The following UNC5C variants were observed in gnomAD, a reference collection of about 807,000 sequenced individuals.
UNC5C encodes the protein unc-5 netrin receptor C.
A neutral mutation model predicts 99.8 loss-of-function variants in UNC5C; 47 were observed. The observed-to-expected ratio is 0.47, with a 90% CI of 0.37 to 0.60. UNC5C has a LOEUF of 0.60. UNC5C is among the 20% of genes least tolerant of loss of function. The probability of loss-of-function intolerance (pLI) is 0.00; values close to 1 mark genes in which losing one functional copy is unlikely to be tolerated. For missense variants in UNC5C, 1,062 were observed against 1,165.9 expected, an observed-to-expected ratio of 0.91 and a Z score of 1.30; for synonymous variants, 487 against 452.2, an observed-to-expected ratio of 1.08 and a Z score of -0.98.
At chr4:95,410,569 A>G (rs1745952602) in intron 1 of UNC5C, among the ~76,000 whole-genome samples, 1 of 152,210 alleles carries the variant, frequency 6.6e-6, no homozygotes, top group Admixed American at 6.5e-5. Context: ...AAGTGCAGGC[A>G]AAAGATGCTG....
intron 1 of UNC5C, among the ~76,000 whole-genome samples, chr4:95,431,633 C>G (rs1746638985): frequency 6.6e-6 from 1 of 151,976 alleles, no homozygotes; most frequent in South Asian, 2.1e-4. Flanking sequence ...AGGTGGTTTT[C>G]CTTTTCTAGT....
At chr4:95,302,294 T>G (rs2149404377) in intron 2 of UNC5C, among the ~76,000 whole-genome samples, 1 of 152,308 alleles carries the variant, frequency 6.6e-6, no homozygotes. Context: ...ATATATAACT[T>G]TAAAGTTTTC....
intron 1 of UNC5C, among the ~76,000 whole-genome samples, chr4:95,471,950 A>G (rs1033003788): frequency 6.6e-6 from 1 of 152,106 alleles, no homozygotes; most frequent in African/African-American, 2.4e-5. Flanking sequence ...AAGTCTGAAA[A>G]TAAGTCTAGC....
chr4:95,451,134 A>C (rs2149467457), intron 1 of UNC5C, among the ~76,000 whole-genome samples: 1 of 152,322 alleles, frequency 6.6e-6, no homozygotes, highest in East Asian at 1.9e-4. Flanking sequence ...AGCATTTAGA[A>C]GTCACTTTAA....
chr4:95,293,121 G>C (rs976285703), intron 3 of UNC5C, among the ~76,000 whole-genome samples: 27 of 151,974 alleles, frequency 1.8e-4, no homozygotes, highest in African/African-American at 6.5e-4. Context: ...TTTAGACTTG[G>C]GGTAAGAATG....
chr4:95,358,873 T>A (rs1744296401), intron 1 of UNC5C, among the ~76,000 whole-genome samples: 1 of 152,178 alleles, frequency 6.6e-6, no homozygotes, highest in Admixed American at 6.5e-5. Context: ...GGGCCACAGA[T>A]AAAGACTAGA....
At position 95,200,344 on chromosome 4, in the gene UNC5C, C is replaced by A. The variant is rs548376453; in HGVS notation, c.2136+2387G>T. On this transcript the variant is annotated intron_variant, in intron 12 of 15. Transcript: ENST00000453304. ...CTTTGCTGGCTGCCCTTCCTCCTTC[C>A]TTGCAAAGCCAGGGCTTTCCCTGGT... Among the ~76,000 whole-genome samples, 108 of 152,296 alleles carry A rather than the reference C, an allele frequency of 7.1e-4. No individual in the cohort carries two copies. In the South Asian group the frequency reaches 0.013, roughly 19 times the overall value.
chr4:95,272,813 C>G (rs986801283), intron 4 of UNC5C, among the ~76,000 whole-genome samples: 3 of 152,230 alleles, frequency 2.0e-5, no homozygotes, highest in African/African-American at 7.2e-5. Flanking sequence ...TCTTTCCTCT[C>G]TAAACTCTTT....
intron 12 of UNC5C, among the ~76,000 whole-genome samples, chr4:95,188,077 G>A (rs979586825): frequency 1.3e-5 from 2 of 152,124 alleles, no homozygotes; most frequent in South Asian, 4.1e-4. Flanking sequence ...ATAAGATCCT[G>A]TATTAATCTG....
intron 1 of UNC5C, among the ~76,000 whole-genome samples, chr4:95,413,465 C>A (rs966108567): frequency 6.6e-6 from 1 of 152,310 alleles, no homozygotes; most frequent in Non-Finnish European, 1.5e-5. Context: ...TCAAGCTCAT[C>A]ATCCAGGCAT....
chr4:95,426,990 C>G (rs553815536), intron 1 of UNC5C, among the ~76,000 whole-genome samples: 1 of 152,272 alleles, frequency 6.6e-6, no homozygotes, highest in South Asian at 2.1e-4. Flanking sequence ...TTAATGTAGA[C>G]AAAACCGCCA....
At chr4:95,209,937 G>A (rs933994504) in intron 10 of UNC5C, among the ~76,000 whole-genome samples, 5 of 152,176 alleles carry the variant, frequency 3.3e-5, no homozygotes, top group African/African-American at 1.2e-4. Context: ...TTTAAGGAAG[G>A]AGACTAGAGT....
At chr4:95,242,402 G>A in intron 7 of UNC5C, 27 bp downstream of exon 7, 5 of 1,613,482 alleles carry the variant, frequency 3.1e-6, no homozygotes, top group Non-Finnish European at 4.2e-6. Context: ...CCCCCTCAAT[G>A]TCTGCAGTTT....
At chr4:95,468,941 G>A (rs1002940574) in intron 1 of UNC5C, among the ~76,000 whole-genome samples, 1 of 152,118 alleles carries the variant, frequency 6.6e-6, no homozygotes, top group Admixed American at 6.5e-5. Context: ...CACAAAAGGG[G>A]TTCTCTTTGC....
chr4:95,472,719 A>G (rs1039135013), intron 1 of UNC5C, among the ~76,000 whole-genome samples: 1 of 152,100 alleles, frequency 6.6e-6, no homozygotes, highest in African/African-American at 2.4e-5. Context: ...CCAGCCAGGC[A>G]TGCCAAACAG....
chr4:95,384,566 G>C (rs976926543), intron 1 of UNC5C, among the ~76,000 whole-genome samples: 11 of 152,142 alleles, frequency 7.2e-5, no homozygotes, highest in Non-Finnish European at 1.0e-4. Context: ...CATGAGTGTA[G>C]ATAAAGGCTG....
chr4:95,317,207 G>C (rs1490245257), intron 2 of UNC5C, among the ~76,000 whole-genome samples: 1 of 152,072 alleles, frequency 6.6e-6, no homozygotes, highest in Admixed American at 6.6e-5. Flanking sequence ...CCAGCTTAGC[G>C]CTCATGCAAA....
intron 12 of UNC5C, among the ~76,000 whole-genome samples, chr4:95,191,148 G>A (rs561159233): frequency 4.6e-5 from 7 of 152,164 alleles, no homozygotes; most frequent in Admixed American, 2.6e-4. Context: ...ATACATCTGC[G>A]AGCCAAGCCA....
chr4:95,502,554 T>G (rs1217012703), intron 1 of UNC5C, among the ~76,000 whole-genome samples: 1 of 152,174 alleles, frequency 6.6e-6, no homozygotes, highest in Non-Finnish European at 1.5e-5. Context: ...ATTATAGGGG[T>G]GTGCTCGGCC....
Sources: gnomAD v4.1 joint callset for allele counts (sites outside exome capture counted in the v4.1 genomes callset) on GRCh38, gnomAD v4.1.1 for gene constraint, MANE v1.5 for transcripts, NCBI Gene and HGNC (gene_info 2026-07-23, HGNC 2026-07-21) for gene names.